ITGB8: variants seen among roughly 807,000 people sequenced by gnomAD.
ITGB8 encodes integrin beta-8.
In ITGB8, 30 loss-of-function variants were observed where a neutral mutation model predicts 89.5. The ratio of observed to expected loss-of-function variants is 0.34; its 90% CI spans 0.25 to 0.45. The LOEUF (loss-of-function observed/expected upper bound fraction) is 0.45. Ranked by LOEUF, ITGB8 falls within the 20% of genes least tolerant of loss-of-function variation. The probability of loss-of-function intolerance (pLI) is 1.00; values close to 1 mark genes in which losing one functional copy is unlikely to be tolerated. For missense variants in ITGB8, 836 were observed against 933.3 expected (o/e 0.90, Z 1.36); for synonymous variants, 335 against 320.4 (o/e 1.05, Z -0.49).
chr7:20,378,162 G>T (rs1453807392), intron 3 of ITGB8, among the ~76,000 whole-genome samples: 1 of 152,156 alleles, frequency 6.6e-6, no homozygotes, highest in Non-Finnish European at 1.5e-5. Flanking sequence ...AGAGGGTTAG[G>T]GGGGACAACC....
intron 10 of ITGB8, 45 bp from the exon 11 acceptor site, chr7:20,404,583 G>T (rs760496542): frequency 1.3e-6 from 2 of 1,532,852 alleles, no homozygotes; most frequent in Admixed American, 3.6e-5. Flanking sequence ...TCTTTACAAA[G>T]TCAGTGATCC....
upstream of ITGB8, chr7:20,330,594 G>C (rs566663804): frequency 1.3e-5 from 2 of 152,500 alleles, no homozygotes; most frequent in Admixed American, 1.3e-4. Flanking sequence ...GAGCCAAGGG[G>C]GAAAAGAAAG....
rs760731578 is a variant in ITGB8 at position 20,331,813 on chromosome 7, G to A, written c.7G>A (p.Gly3Ser). The A allele has an allele frequency of 8.1e-6, 13 of 1,612,684 alleles. No individual in the cohort carries two copies. Among genetic ancestry groups the A allele is most frequent in the Non-Finnish European group, 1.1e-5 (13 of 1,179,968 alleles). Reference sequence around the variant, plus strand: ...GGGCGGGCTGTTTTGCATTATGTGCGGCTCGGCCCTGGCTTTTTTTACCGC... The same window carrying A: ...GGGCGGGCTGTTTTGCATTATGTGCAGCTCGGCCCTGGCTTTTTTTACCGC... MCGSALAFFTAAF... is the reference protein window; with the variant it reads MCSSALAFFTAAF... Residue 3 changes from glycine (G) to serine (S), a missense_variant, in exon 1 of 14, where the codon GGC becomes AGC. By Grantham distance (56) the Gly-to-Ser change is moderately conservative. This residue lies in a region of ITGB8 where 182 missense variants were observed against 177.0 expected (regional missense o/e 1.03). Transcript: ENST00000222573.
In ITGB8 at chr7:20,414,357, G is replaced by A. The variant is rs1307957453; in HGVS notation, c.*4360G>A. Reference sequence around the variant, plus strand: ...TCAGGTCCCCATTTATACTTTACGTGAGTGCGAATGATTTCAGCAAACCCT... The same window carrying A: ...TCAGGTCCCCATTTATACTTTACGTAAGTGCGAATGATTTCAGCAAACCCT... On this transcript the variant is annotated 3_prime_UTR_variant, in exon 14 of 14. Coordinates refer to ENST00000222573, the MANE Select transcript of ITGB8 (RefSeq NM_002214.3). 1 of 152,212 alleles carries A rather than the reference G, an allele frequency of 6.6e-6. No homozygotes were observed. Among genetic ancestry groups the A allele is most frequent in the Non-Finnish European group, 1.5e-5 (1 of 67,984 alleles). 9.4% of individuals were successfully genotyped at this position (152,212 alleles called of 1,614,324 possible).
rs1787833620 is a variant in ITGB8 at position 20,413,507 on chromosome 7, C to G, written c.*3510C>G. ...GGAACCTGGTAGAGTAGATTAGACT[C>G]AAAGGCTTTTTCTTCCTTTTCTTAC... On this transcript the variant is annotated 3_prime_UTR_variant, in exon 14 of 14. Coordinates refer to ENST00000222573, the MANE Select transcript of ITGB8 (RefSeq NM_002214.3). 1 of 152,476 alleles carries G rather than the reference C, an allele frequency of 6.6e-6. No homozygotes were observed. Among genetic ancestry groups the G allele is most frequent in the Non-Finnish European group, 1.5e-5 (1 of 67,950 alleles). The allele number at this position is 152,476 out of a possible 1,614,324, so 9.4% of individuals were successfully genotyped here.
Position 20,409,768 on chromosome 7 carries a change from C to T in ITGB8, c.2177C>T (p.Ala726Val). Reference sequence around the variant, plus strand: ...TCCTCATCAGATTACAGAGTGTCAGCCTCAAAAAAGGTCAGTGAATTCTAA... The same window carrying T: ...TCCTCATCAGATTACAGAGTGTCAGTCTCAAAAAAGGTCAGTGAATTCTAA... ...IKSSSDYRVSASKKDKLILQS... is the reference protein window; with the variant it reads ...IKSSSDYRVSVSKKDKLILQS... Residue 726 changes from alanine (A) to valine (V), a missense_variant, in exon 13 of 14, where the codon GCC becomes GTC. Around this residue, in one of 5 missense-constraint regions of ITGB8, gnomAD observed 422 missense variants for 416.9 expected, o/e 1.01. Coordinates refer to ENST00000222573, the MANE Select transcript of ITGB8 (RefSeq NM_002214.3). 6.2e-7 allele frequency: 1 copy of T among 1,612,534 alleles called. No homozygotes were observed. Among genetic ancestry groups the T allele is most frequent in the Non-Finnish European group, 8.5e-7 (1 of 1,179,280 alleles).
intron 6 of ITGB8, among the ~76,000 whole-genome samples, chr7:20,386,917 C>T (rs770146472): frequency 6.6e-6 from 1 of 152,154 alleles, no homozygotes; most frequent in African/African-American, 2.4e-5. Context: ...AAAATCAATG[C>T]ATACCCTTCT....
At chr7:20,363,005 A>G (rs942169371) in intron 1 of ITGB8, among the ~76,000 whole-genome samples, 1 of 152,238 alleles carries the variant, frequency 6.6e-6, no homozygotes, top group African/African-American at 2.4e-5. Context: ...AAGAAATTAA[A>G]TTAACTAAAA....
chr7:20,387,285 G>T (rs1786664165), intron 6 of ITGB8, among the ~76,000 whole-genome samples: 1 of 152,214 alleles, frequency 6.6e-6, no homozygotes, highest in African/African-American at 2.4e-5. Context: ...TTATATAGCA[G>T]TGTCCATAGT....
intron 6 of ITGB8, among the ~76,000 whole-genome samples, chr7:20,386,165 T>G (rs1415132692): frequency 6.6e-6 from 1 of 152,126 alleles, no homozygotes; most frequent in African/African-American, 2.4e-5. Context: ...TTCCATCTTT[T>G]GGGGCATCGA....
At chr7:20,388,412 C>G (rs1480791478) in intron 6 of ITGB8, among the ~76,000 whole-genome samples, 1 of 152,094 alleles carries the variant, frequency 6.6e-6, no homozygotes, top group Non-Finnish European at 1.5e-5. Context: ...AGATAAAATA[C>G]TTTTTTGAAG....
intron 9 of ITGB8, 139 bp downstream of exon 9, chr7:20,399,133 A>G: frequency 1.2e-6 from 1 of 823,480 alleles, no homozygotes; most frequent in South Asian, 2.0e-5. Flanking sequence ...GGAAACTTTC[A>G]TTGTCTCTCC....
intron 1 of ITGB8, among the ~76,000 whole-genome samples, chr7:20,351,956 G>C (rs1304902384): frequency 6.6e-6 from 1 of 152,134 alleles, no homozygotes; most frequent in African/African-American, 2.4e-5. Context: ...AGAGCCCCTG[G>C]AACTCTAGTG....
At chr7:20,354,687 T>A (rs995093965) in intron 1 of ITGB8, among the ~76,000 whole-genome samples, 2 of 152,200 alleles carry the variant, frequency 1.3e-5, no homozygotes, top group Non-Finnish European at 2.9e-5. Context: ...TACAGCCATG[T>A]TCCAGGCAGA....
chr7:20,410,020 T>C lies in ITGB8; in HGVS notation c.*23T>C, dbSNP rs1476658880. 1 of 1,596,088 alleles carries C rather than the reference T, an allele frequency of 6.3e-7. No individual in the cohort carries two copies. On this transcript the variant is annotated 3_prime_UTR_variant, in exon 14 of 14. Transcript: ENST00000222573. ...TAAAAAAAGATTTTTAAACACTTAA[T>C]GGGAAACTGGAATTGTTAATAATTG...
intron 11 of ITGB8, among the ~76,000 whole-genome samples, chr7:20,405,748 T>C (rs2127986155): frequency 6.6e-6 from 1 of 152,162 alleles, no homozygotes; most frequent in African/African-American, 2.4e-5. Context: ...AATTTTTCAG[T>C]AACAATTTGA....
chr7:20,340,759 G>A (rs761518577), intron 1 of ITGB8, among the ~76,000 whole-genome samples: 9 of 152,188 alleles, frequency 5.9e-5, no homozygotes, highest in Non-Finnish European at 1.2e-4. Flanking sequence ...ACTAGGTAGG[G>A]AAGGGGGCTG....
At chr7:20,386,063 A>C (rs1377020628) in intron 6 of ITGB8, among the ~76,000 whole-genome samples, 1 of 152,186 alleles carries the variant, frequency 6.6e-6, no homozygotes, top group Non-Finnish European at 1.5e-5. Flanking sequence ...GCATACTAAT[A>C]AAAATGCAAA....
intron 9 of ITGB8, among the ~76,000 whole-genome samples, chr7:20,400,568 C>A (rs1787267837): frequency 6.6e-6 from 1 of 152,094 alleles, no homozygotes; most frequent in African/African-American, 2.4e-5. Context: ...TGTAATGGAT[C>A]TCAATCCAAC....
Sources: allele counts gnomAD v4.1 joint callset (sites outside exome capture counted in the v4.1 genomes callset), GRCh38; gene constraint gnomAD v4.1.1; regional missense constraint gnomAD v4.1.1; transcripts MANE v1.5; gene names NCBI Gene and HGNC (gene_info 2026-07-23, HGNC 2026-07-21).